The following CR2 variants were observed in gnomAD, a reference collection of about 807,000 sequenced individuals.
The protein encoded by CR2 is complement receptor type 2.
CR2 carries 96 observed loss-of-function variants against 123.0 expected under a neutral mutation model. The observed-to-expected ratio is 0.78, with a 90% CI of 0.66 to 0.93. The LOEUF is 0.93. Ranked by LOEUF, CR2 falls within the 40% of genes least tolerant of loss-of-function variation. The pLI, the probability that CR2 is intolerant of heterozygous loss-of-function variation, is 0.00. For synonymous variants in CR2, 484 were observed against 469.5 expected (o/e 1.03, Z -0.40); for missense variants, 1,258 against 1,361.0 (o/e 0.92, Z 1.19).
intron 4 of CR2, 119 bp downstream of exon 4, chr1:207,469,018 G>T: frequency 7.3e-7 from 1 of 1,377,144 alleles, no homozygotes; most frequent in East Asian, 2.3e-5. Context: ...GGGTAGGGTT[G>T]TGAGAGGTAA....
intron 1 of CR2, among the ~76,000 whole-genome samples, chr1:207,455,274 T>A (rs926352248): frequency 5.3e-5 from 8 of 152,244 alleles, no homozygotes; most frequent in Non-Finnish European, 8.8e-5. Flanking sequence ...ATAAGACGTT[T>A]ACTGTGTGCA....
At position 207,454,330 on chromosome 1, in the gene CR2, C is replaced by T. The variant is rs1657771074; in HGVS notation, c.-89C>T. On this transcript the variant is annotated 5_prime_UTR_variant, in exon 1 of 20. Coordinates refer to ENST00000367057, the MANE Select transcript of CR2 (RefSeq NM_001006658.3). This position sits in a 1 kb window ranked among gnomAD's most constrained non-coding sequence, Gnocchi z 4.3. ...AGGGCCCGCCTCTCCTGGCTCACAGCTGCTTGCTGCTCCAGCCTTGCCCTC... is the reference window on the plus strand; with the variant it reads ...AGGGCCCGCCTCTCCTGGCTCACAGTTGCTTGCTGCTCCAGCCTTGCCCTC... 3.4e-6 allele frequency: 4 copies of T among 1,165,730 alleles called. No individual in the cohort carries two copies. Among genetic ancestry groups the T allele is most frequent in the Non-Finnish European group, 4.9e-6 (4 of 808,758 alleles). The allele number at this position is 1,165,730 out of a possible 1,614,324, so 72.2% of individuals were successfully genotyped here. A position where few individuals can be genotyped will look rare whatever the true frequency, so the allele number is the denominator to read the frequency against.
intron 19 of CR2, among the ~76,000 whole-genome samples, chr1:207,486,360 G>A (rs1254558129): frequency 6.6e-6 from 1 of 152,048 alleles, no homozygotes; most frequent in East Asian, 1.9e-4. Context: ...CAGCAAGGAG[G>A]CCAGTGTGGC....
At chr1:207,461,486 G>T (rs1175461645) in intron 1 of CR2, among the ~76,000 whole-genome samples, 1 of 152,016 alleles carries the variant, frequency 6.6e-6, no homozygotes, top group Non-Finnish European at 1.5e-5. Flanking sequence ...ATAAAATATT[G>T]CCCTATTTTA....
chr1:207,479,824 A>G (rs1054083125), intron 17 of CR2, among the ~76,000 whole-genome samples, 154 bp from the exon 18 acceptor site: 12 of 152,208 alleles, frequency 7.9e-5, no homozygotes, highest in Non-Finnish European at 4.4e-5. Flanking sequence ...AAGCTCAACT[A>G]TGATTATTCA....
At position 207,466,811 on chromosome 1, in the gene CR2, C is replaced by T; in HGVS notation, c.344C>T (p.Thr115Ile). The T allele has an allele frequency of 1.2e-6, 2 of 1,613,858 alleles. No individual in the cohort carries two copies. The highest frequency in any genetic ancestry group is 1.7e-6 in the Non-Finnish European group (2 of 1,179,924). The change falls in exon 2 of 20, where the codon ACA (threonine) becomes ATA (isoleucine). Residue 115 changes from threonine (T) to isoleucine (I), a missense_variant. Coordinates refer to ENST00000367057, the MANE Select transcript of CR2 (RefSeq NM_001006658.3). The part of the protein sequence containing the change: ...STPYRHGDSV[T>I]FACKTNFSMN... ...CCCTACAGACATGGTGATTCTGTGACATTTGCCTGTAAAACCAACTTCTCC... is the reference window on the plus strand; with the variant it reads ...CCCTACAGACATGGTGATTCTGTGATATTTGCCTGTAAAACCAACTTCTCC...
intron 18 of CR2, among the ~76,000 whole-genome samples, chr1:207,483,673 G>A (rs1038342969): frequency 2.0e-5 from 3 of 152,052 alleles, no homozygotes; most frequent in Non-Finnish European, 4.4e-5. Context: ...GGAGAAGGAG[G>A]CACATAGAAT....
At chr1:207,480,148 T>C (rs1658565181) in intron 18 of CR2, 95 bp downstream of exon 18, 1 of 883,072 alleles carries the variant, frequency 1.1e-6, no homozygotes, top group Non-Finnish European at 1.9e-6. Flanking sequence ...TTATGTGAAA[T>C]AAATACTGCA....
At chr1:207,467,873 A>G (rs566840824) in intron 2 of CR2, among the ~76,000 whole-genome samples, 42 of 152,340 alleles carry the variant, frequency 2.8e-4, no homozygotes, top group African/African-American at 9.4e-4. Context: ...CACACACATA[A>G]TATAGGTGTA....
chr1:207,487,128 A>G (rs1476362395), intron 19 of CR2, among the ~76,000 whole-genome samples: 1 of 152,208 alleles, frequency 6.6e-6, no homozygotes, highest in Middle Eastern at 3.2e-3. Flanking sequence ...ACCCACTAAG[A>G]AGTGAAGGAG....
intron 1 of CR2, among the ~76,000 whole-genome samples, chr1:207,460,144 A>G (rs1335046645): frequency 6.6e-6 from 1 of 152,222 alleles, no homozygotes; most frequent in African/African-American, 2.4e-5. Flanking sequence ...TCACTTGACT[A>G]GAGTCACTAG....
chr1:207,459,684 A>G (rs1254287313), intron 1 of CR2, among the ~76,000 whole-genome samples: 2 of 152,256 alleles, frequency 1.3e-5, no homozygotes, highest in East Asian at 3.9e-4. Context: ...ACCATCTTTG[A>G]TCTTCAATCC....
In CR2 at chr1:207,470,083, T is replaced by C. The variant is rs1169935929; in HGVS notation, c.1206T>C (p.Ser402=). Residue 402 remains serine (S), a synonymous_variant, in exon 6 of 20, where the codon TCT becomes TCC. Transcript: ENST00000367057. ...ATGCCCAAGGCACATGGGAGCCATC[T>C]GCACCAGTCTGTGAAAAGGGTGAGT... The part of the protein sequence containing the change: ...RCNAQGTWEP[S]APVCEKECQA... The C allele has an allele frequency of 1.2e-6, 2 of 1,613,654 alleles. No homozygotes were observed. Among genetic ancestry groups the C allele is most frequent in the African/African-American group, 2.7e-5 (2 of 74,904 alleles).
chr1:207,474,832 T>C lies in CR2; in HGVS notation c.2332T>C (p.Cys778Arg). 1 of 1,614,042 alleles carries C rather than the reference T, an allele frequency of 6.2e-7. No homozygotes were observed. The highest frequency in any genetic ancestry group is 1.1e-5 in the South Asian group (1 of 91,088). ...CTAAATCTCTTCTGCAGTTATTCAC[T>C]GTCACCCTCCACCAGTGATTGTCAA... ...KKIPLCKVIH[C>R]HPPPVIVNGK... Residue 778 changes from cysteine to arginine, a missense_variant, in exon 14 of 20, where the codon TGT becomes CGT. By Grantham distance (180) the Cys-to-Arg change is radical (BLOSUM62 -3). Transcript: ENST00000367057.
chr1:207,479,310 C>T (rs1033084410), intron 17 of CR2, 30 bp downstream of exon 17: 1 of 1,536,794 alleles, frequency 6.5e-7, no homozygotes, highest in Non-Finnish European at 9.0e-7. Flanking sequence ...TGAAGAAAAG[C>T]TCTTATAATA....
At chr1:207,480,506 T>C (rs1322499114) in intron 18 of CR2, among the ~76,000 whole-genome samples, 1 of 152,220 alleles carries the variant, frequency 6.6e-6, no homozygotes, top group Admixed American at 6.5e-5. Context: ...TGTATTTATA[T>C]ATGTATTTAT....
rs769415969 is a variant in CR2, at chr1:207,468,703, C to A, written c.622C>A (p.Pro208Thr). The change falls in exon 3 of 20, where the codon CCC becomes ACC. Residue 208 changes from proline to threonine, a missense_variant. By Grantham distance (38) the Pro-to-Thr change is conservative. Transcript: ENST00000367057. ...TTCGGGAAAATGGAGTGCTGTCCCC[C>A]CCACATGTGAAGGTACCCTAAATTT... The part of the protein sequence containing the change: ...LSSGKWSAVP[P>T]TCEEARCKSL... 15 of 1,613,872 alleles carry A rather than the reference C, an allele frequency of 9.3e-6. No homozygotes were observed. The East Asian group carries it at 3.3e-4, about 36-fold the overall frequency.
rs1164041358 is a variant in CR2, at chr1:207,489,480, C to T, written c.*357C>T. 6.6e-6 allele frequency: 1 copy of T among 152,220 alleles called. No individual in the cohort carries two copies. Among genetic ancestry groups the T allele is most frequent in the Admixed American group, 6.5e-5 (1 of 15,278 alleles). 9.4% of individuals were successfully genotyped at this position (152,220 alleles called of 1,614,324 possible). A position where few individuals can be genotyped will look rare whatever the true frequency, so the allele number is the denominator to read the frequency against. On this transcript the variant is annotated 3_prime_UTR_variant, in exon 20 of 20. Coordinates refer to ENST00000367057, the MANE Select transcript of CR2 (RefSeq NM_001006658.3). ...TCTAGACCCATCTTCTTTTTGAAAT[C>T]AGCATACTCAATGTTACTATCTGCT...
At chr1:207,478,953 C>CT (rs1274994160) in intron 16 of CR2, among the ~76,000 whole-genome samples, 13 of 150,146 alleles carry the variant, frequency 8.7e-5, no homozygotes, top group African/African-American at 3.2e-4. Context: ...TCCAATACAT[C>CT]TTTTTTATCT....
Sources: gnomAD v4.1 joint callset for allele counts (sites outside exome capture counted in the v4.1 genomes callset) on GRCh38, gnomAD v4.1.1 for gene constraint, Gnocchi (gnomAD v3.1) non-coding constraint, MANE v1.5 for transcripts, NCBI Gene and HGNC (gene_info 2026-07-23, HGNC 2026-07-21) for gene names.